The following CHPT1 variants were observed in gnomAD, a reference collection of about 807,000 sequenced individuals.
The protein encoded by CHPT1 is cholinephosphotransferase 1.
A neutral mutation model predicts 47.6 loss-of-function variants in CHPT1; 36 were observed. That is an observed-to-expected ratio of 0.76 (90% confidence interval 0.58 to 1.00). The LOEUF is 1.00. CHPT1 is among the 50% of genes least tolerant of loss of function. The pLI, the probability that CHPT1 is intolerant of heterozygous loss-of-function variation, is 0.00. For synonymous variants in CHPT1, 194 were observed against 186.3 expected (o/e 1.04, Z -0.33); for missense variants, 458 against 498.1 (o/e 0.92, Z 0.77).
chr12:101,699,354 TGTCAATGGATTGGTATGC>T lies in CHPT1; in HGVS notation c.273+1221_273+1238del, dbSNP rs1368475541. ...ATCGAGCCTACATTTTAAAATATCT[TGTCAATGGATTGGTATGC>T]TTATTATGTATTTCTTTTCTTTTTT... On this transcript the variant is annotated intron_variant, in intron 1 of 8. Transcript: ENST00000229266. 2.4e-3 allele frequency among the ~76,000 whole-genome samples: 361 copies of T among 151,002 alleles called. 10 individuals are homozygous for T. The highest frequency in any genetic ancestry group is 8.3e-3 in the African/African-American group (337 of 40,840).
chr12:101,715,741 A>G (rs997432313), intron 3 of CHPT1, among the ~76,000 whole-genome samples: 3 of 152,180 alleles, frequency 2.0e-5, no homozygotes, highest in African/African-American at 7.2e-5. Context: ...CATAGACTAT[A>G]AGAATTCCAG....
chr12:101,706,219 G>A (rs1475824460), intron 1 of CHPT1, among the ~76,000 whole-genome samples: 1 of 151,550 alleles, frequency 6.6e-6, no homozygotes, highest in African/African-American at 2.4e-5. Context: ...GTGTGGTGGT[G>A]CACATCTGTA....
chr12:101,727,873 AC>A (rs1315853621), intron 8 of CHPT1: 6 of 152,194 alleles, frequency 3.9e-5, no homozygotes, highest in African/African-American at 1.4e-4. Flanking sequence ...ATCTGTAGGC[AC>A]CTGTTTTTTT....
chr12:101,700,290 A>G (rs1364977084), intron 1 of CHPT1, among the ~76,000 whole-genome samples: 1 of 145,918 alleles, frequency 6.9e-6, no homozygotes, highest in Non-Finnish European at 1.5e-5. Flanking sequence ...AGGTACGTTT[A>G]TGATTAATTA....
rs560783909 is a variant in CHPT1, at chr12:101,720,132, C to G, written c.658C>G (p.Leu220Val). The change falls in exon 5 of 9, where the codon CTA (leucine) becomes GTA (valine). Residue 220 changes from leucine to valine, a missense_variant. Coordinates refer to ENST00000229266, the MANE Select transcript of CHPT1 (RefSeq NM_020244.3). The part of the protein sequence containing the change: ...ATMWDYTIPI[L>V]EIKLKILPVL... ...TCTTCTACCCCTAAAGATTCCTATTCTAGAAATAAAATTGAAGATCCTTCC... is the reference window on the plus strand; with the variant it reads ...TCTTCTACCCCTAAAGATTCCTATTGTAGAAATAAAATTGAAGATCCTTCC... 1.3e-6 allele frequency: 2 copies of G among 1,589,650 alleles called. No individual in the cohort carries two copies. The highest frequency in any genetic ancestry group is 4.5e-5 in the East Asian group (2 of 44,536).
chr12:101,726,469 T>TGAG, intron 8 of CHPT1, 65 bp downstream of exon 8: 2 of 1,584,110 alleles, frequency 1.3e-6, no homozygotes, highest in Non-Finnish European at 1.7e-6. Flanking sequence ...GGGGAATCTA[T>TGAG]GAGTGAAGGA....
chr12:101,717,222 A>G, intron 4 of CHPT1: 1 of 445,270 alleles, frequency 2.2e-6, no homozygotes, highest in Non-Finnish European at 4.5e-6. Flanking sequence ...TTGCATTTTT[A>G]TAATCTACTT....
At chr12:101,698,983 T>G (rs763411676) in intron 1 of CHPT1, among the ~76,000 whole-genome samples, 1 of 152,212 alleles carries the variant, frequency 6.6e-6, no homozygotes, top group African/African-American at 2.4e-5. Context: ...GAAGTCCCTT[T>G]ATAATCATTT....
At position 101,711,747 on chromosome 12, in the gene CHPT1, C is replaced by A. The variant is rs993197891; in HGVS notation, c.274-2343C>A. Among the ~76,000 whole-genome samples the A allele has an allele frequency of 4.7e-5, 7 of 148,544 alleles. 2 individuals are homozygous for A. Among genetic ancestry groups the A allele is most frequent in the Non-Finnish European group, 1.1e-4 (7 of 66,390 alleles). ...ATTTGCTTCAGTTTAGTACCGTTTCCATCTATCTACATATCCCATAACATC... is the reference window on the plus strand; with the variant it reads ...ATTTGCTTCAGTTTAGTACCGTTTCAATCTATCTACATATCCCATAACATC... On this transcript the variant is annotated intron_variant, in intron 1 of 8. Coordinates refer to ENST00000229266, the MANE Select transcript of CHPT1 (RefSeq NM_020244.3).
intron 5 of CHPT1, among the ~76,000 whole-genome samples, chr12:101,722,707 TAAAAA>T (rs10605402): frequency 8.8e-6 from 1 of 113,770 alleles, no homozygotes; most frequent in Non-Finnish European, 2.0e-5. Context: ...CACAAAAAAT[TAAAAA>T]AAAAAAAAAA....
chr12:101,708,466 A>G (rs1951661371), intron 1 of CHPT1, among the ~76,000 whole-genome samples: 1 of 152,194 alleles, frequency 6.6e-6, no homozygotes. Flanking sequence ...AAATTATGAT[A>G]TAGCCACATA....
intron 1 of CHPT1, 80 bp downstream of exon 1, chr12:101,698,214 C>T: frequency 7.4e-7 from 1 of 1,356,870 alleles, no homozygotes; most frequent in Non-Finnish European, 9.4e-7. Flanking sequence ...AAGGGCGGAC[C>T]CACGCGCGGC....
intron 1 of CHPT1, among the ~76,000 whole-genome samples, chr12:101,699,354 TGTCAATGGATTGGTATGCTTATTATGTA>T (rs1566033852): frequency 2.6e-5 from 4 of 151,066 alleles, no homozygotes; most frequent in African/African-American, 9.8e-5. Flanking sequence ...TAAAATATCT[TGTCAATGGATTGGTATGCTTATTATGTA>T]TTTCTTTTCT....
intron 6 of CHPT1, 111 bp from the exon 7 acceptor site, chr12:101,723,611 G>A: frequency 9.9e-6 from 7 of 703,978 alleles, no homozygotes; most frequent in Non-Finnish European, 1.6e-5. Context: ...TCTTAAATGT[G>A]AGATTAAATG....
intron 5 of CHPT1, 91 bp from the exon 6 acceptor site, chr12:101,723,077 C>T (rs1403291163): frequency 1.7e-6 from 2 of 1,144,792 alleles, no homozygotes; most frequent in Non-Finnish European, 2.6e-6. Context: ...GTTCTTTAGG[C>T]CTCTTGCACA....
intron 1 of CHPT1, among the ~76,000 whole-genome samples, chr12:101,699,508 C>T (rs1951520380): frequency 6.6e-6 from 1 of 151,838 alleles, no homozygotes; most frequent in Non-Finnish European, 1.5e-5. Flanking sequence ...TTGCCTCAGC[C>T]TCCTGAATAG....
In CHPT1 at chr12:101,705,752, T is replaced by TTTTG. The variant is rs751431818; in HGVS notation, c.273+7638_273+7641dup. On this transcript the variant is annotated intron_variant, in intron 1 of 8. Transcript: ENST00000229266. Reference sequence around the variant, plus strand: ...ATGTATTCTTCCCATTGCTTTTTTGTTTTGTTTGTTTGTTTGTTTGTTTTT... The same window carrying TTTTG: ...ATGTATTCTTCCCATTGCTTTTTTGTTTTGTTTGTTTGTTTGTTTGTTTGTTTTT... Among the ~76,000 whole-genome samples the TTTTG allele has an allele frequency of 4.9e-3, 654 of 133,600 alleles. 7 individuals are homozygous for TTTTG. Among genetic ancestry groups the TTTTG allele is most frequent in the African/African-American group, 0.016 (561 of 34,484 alleles). The allele number at this position is 133,600 out of a possible 152,430, so 87.6% of individuals were successfully genotyped here.
At position 101,714,184 on chromosome 12, in the gene CHPT1, C is replaced by G; in HGVS notation, c.368C>G (p.Ser123Cys). 1.9e-6 allele frequency: 3 copies of G among 1,613,128 alleles called. No individual in the cohort carries two copies. The highest frequency in any genetic ancestry group is 2.5e-6 in the Non-Finnish European group (3 of 1,179,268). The stretch of plus-strand genomic sequence containing the variant: ...GGGAAACAAGCCAGAAGAACAAACT[C>G]TTGTTCCCCTTTAGGGGAGCTCTTT... The part of the protein sequence containing the change: ...IDGKQARRTN[S>C]CSPLGELFDH... Residue 123 changes from serine to cysteine, a missense_variant, in exon 2 of 9, where the codon TCT (serine) becomes TGT (cysteine). Coordinates refer to ENST00000229266, the MANE Select transcript of CHPT1 (RefSeq NM_020244.3).
intron 5 of CHPT1, 22 bp downstream of exon 5, chr12:101,720,276 T>G: frequency 6.4e-7 from 1 of 1,573,990 alleles, no homozygotes; most frequent in Non-Finnish European, 8.6e-7. Context: ...ATTTCATCAT[T>G]CAGTGTCAAT....
Sources: allele counts gnomAD v4.1 joint callset (sites outside exome capture counted in the v4.1 genomes callset), GRCh38; gene constraint gnomAD v4.1.1; transcripts MANE v1.5; gene names NCBI Gene and HGNC (gene_info 2026-07-23, HGNC 2026-07-21).